The following HCN1 variants were observed in gnomAD, a reference collection of about 807,000 sequenced individuals.
HCN1 encodes potassium/sodium hyperpolarization-activated cyclic nucleotide-gated channel 1.
HCN1 carries 13 observed loss-of-function variants against 78.9 expected under a neutral mutation model. The ratio of observed to expected loss-of-function variants is 0.16; its 90% confidence interval spans 0.11 to 0.26. The LOEUF is 0.26. HCN1 is among the 10% of genes least tolerant of loss of function. The probability of loss-of-function intolerance (pLI) is 1.00; values close to 1 mark genes in which losing one functional copy is unlikely to be tolerated. For missense variants in HCN1, 810 were observed against 1,154.3 expected (o/e 0.70, Z 4.32); for synonymous variants, 552 against 455.5 (o/e 1.21, Z -2.70).
intron 2 of HCN1, among the ~76,000 whole-genome samples, chr5:45,567,484 A>C (rs1308474017): frequency 6.6e-6 from 1 of 151,866 alleles, no homozygotes; most frequent in Non-Finnish European, 1.5e-5. Context: ...AAATGTTGAC[A>C]TGCAGAACTA....
At chr5:45,265,048 G>T (rs1324641977) in intron 7 of HCN1, among the ~76,000 whole-genome samples, 1 of 152,006 alleles carries the variant, frequency 6.6e-6, no homozygotes, top group Non-Finnish European at 1.5e-5. Flanking sequence ...ATATTAGCAG[G>T]GCGTGGCAGT....
rs139872748 is a variant in HCN1 at position 45,627,397 on chromosome 5, C to A, written c.849+17788G>T. Among the ~76,000 whole-genome samples, 85 of 152,228 alleles carry A rather than the reference C, an allele frequency of 5.6e-4. No individual in the cohort carries two copies. In the East Asian group the frequency reaches 0.016, roughly 29 times the overall value. ...TCATGTGAGAAAGATGTATAGTGTT[C>A]TCCCTCATCCTCATTATGATTTGCA... is the stretch of plus-strand genomic sequence containing the variant. On this transcript the variant is annotated intron_variant, in intron 2 of 7. Coordinates refer to ENST00000303230, the MANE Select transcript of HCN1 (RefSeq NM_021072.4).
At chr5:45,297,487 A>G (rs1745522349) in intron 6 of HCN1, among the ~76,000 whole-genome samples, 1 of 152,130 alleles carries the variant, frequency 6.6e-6, no homozygotes. Context: ...CTTGCAAAAA[A>G]TAAATCACCA....
intron 2 of HCN1, among the ~76,000 whole-genome samples, chr5:45,580,525 G>A (rs1194396741): frequency 1.3e-5 from 2 of 151,806 alleles, no homozygotes; most frequent in Non-Finnish European, 2.9e-5. Context: ...TATAAGATTT[G>A]TTGTTTTTTT....
At chr5:45,424,220 G>C (rs1038446678) in intron 3 of HCN1, among the ~76,000 whole-genome samples, 3 of 151,992 alleles carry the variant, frequency 2.0e-5, no homozygotes, top group African/African-American at 7.2e-5. Context: ...GTGAACCCGG[G>C]AGTTGGAGCT....
At chr5:45,345,306 C>A (rs1042714163) in intron 5 of HCN1, among the ~76,000 whole-genome samples, 1 of 152,158 alleles carries the variant, frequency 6.6e-6, no homozygotes, top group African/African-American at 2.4e-5. Flanking sequence ...ATGGGAGGGG[C>A]TAATGGGAAG....
At chr5:45,488,129 C>T (rs1383071218) in intron 2 of HCN1, among the ~76,000 whole-genome samples, 2 of 152,066 alleles carry the variant, frequency 1.3e-5, no homozygotes, top group Non-Finnish European at 2.9e-5. Context: ...TCATTGAGGT[C>T]TTCCTTGACC....
intron 3 of HCN1, among the ~76,000 whole-genome samples, chr5:45,404,214 G>T (rs1197950692): frequency 6.6e-6 from 1 of 152,066 alleles, no homozygotes; most frequent in Non-Finnish European, 1.5e-5. Flanking sequence ...TTGTAAAGAT[G>T]ACTGTATTAT....
chr5:45,619,294 T>C (rs2111991826), intron 2 of HCN1, among the ~76,000 whole-genome samples: 1 of 152,156 alleles, frequency 6.6e-6, no homozygotes, highest in South Asian at 2.1e-4. Context: ...GGCACCCACA[T>C]CACAATTCTA....
chr5:45,419,065 T>C (rs1240099730), intron 3 of HCN1, among the ~76,000 whole-genome samples: 1 of 152,204 alleles, frequency 6.6e-6, no homozygotes, highest in East Asian at 1.9e-4. Flanking sequence ...GGTATCTTCC[T>C]GGACACTTTC....
intron 4 of HCN1, among the ~76,000 whole-genome samples, chr5:45,367,212 G>T (rs1747255215): frequency 6.6e-6 from 1 of 151,500 alleles, no homozygotes; most frequent in Non-Finnish European, 1.5e-5. Context: ...ATCCATATTG[G>T]TGAATATCAA....
At chr5:45,288,030 T>A (rs2111879731) in intron 6 of HCN1, among the ~76,000 whole-genome samples, 1 of 152,146 alleles carries the variant, frequency 6.6e-6, no homozygotes, top group East Asian at 1.9e-4. Flanking sequence ...TTTTACAGGT[T>A]TGGAGATATT....
intron 1 of HCN1, among the ~76,000 whole-genome samples, chr5:45,684,115 G>A (rs1447858882): frequency 2.6e-5 from 4 of 152,256 alleles, no homozygotes; most frequent in East Asian, 1.9e-4. Context: ...AAAAATAAAT[G>A]TGCTTCAAGG....
chr5:45,542,355 C>A (rs767210927), intron 2 of HCN1, among the ~76,000 whole-genome samples: 3 of 151,968 alleles, frequency 2.0e-5, no homozygotes, highest in Non-Finnish European at 4.4e-5. Flanking sequence ...GTATTTTGGA[C>A]AAGGGTAAAT....
chr5:45,585,763 G>T (rs536707797), intron 2 of HCN1, among the ~76,000 whole-genome samples: 86 of 152,268 alleles, frequency 5.6e-4, no homozygotes, highest in African/African-American at 1.9e-3. Context: ...CTCAGCTGCA[G>T]GTCTGCTGGA....
At chr5:45,522,632 C>A (rs1159185199) in intron 2 of HCN1, among the ~76,000 whole-genome samples, 1 of 143,922 alleles carries the variant, frequency 6.9e-6, no homozygotes, top group African/African-American at 2.6e-5. Context: ...TTTTGTTTTG[C>A]AATCTGAAAA....
intron 4 of HCN1, among the ~76,000 whole-genome samples, chr5:45,359,714 C>T (rs914938665): frequency 1.6e-4 from 25 of 151,718 alleles, no homozygotes; most frequent in African/African-American, 6.0e-4. Context: ...TCTAGGACAA[C>T]CTACAGCATC....
intron 2 of HCN1, among the ~76,000 whole-genome samples, chr5:45,525,569 G>A (rs916751647): frequency 6.6e-6 from 1 of 151,610 alleles, no homozygotes; most frequent in Non-Finnish European, 1.5e-5. Context: ...GAACAAAATA[G>A]GGAGTAATAA....
chr5:45,437,319 C>G (rs1019976871), intron 3 of HCN1, among the ~76,000 whole-genome samples: 2 of 152,080 alleles, frequency 1.3e-5, no homozygotes, highest in African/African-American at 4.8e-5. Context: ...AAAACACAAA[C>G]TCTGAAAATG....
Sources: allele counts gnomAD v4.1 joint callset (sites outside exome capture counted in the v4.1 genomes callset), GRCh38; gene constraint gnomAD v4.1.1; transcripts MANE v1.5; gene names NCBI Gene and HGNC (gene_info 2026-07-23, HGNC 2026-07-21).